The following HMGCLL1 variants were observed in gnomAD, a reference collection of about 807,000 sequenced individuals.
The protein encoded by HMGCLL1 is 3-hydroxy-3-methylglutaryl-CoA lyase like 1.
A neutral mutation model predicts 39.1 loss-of-function variants in HMGCLL1; 36 were observed. The observed-to-expected ratio is 0.92, with a 90% confidence interval of 0.71 to 1.22. The LOEUF is 1.22. Ranked by LOEUF, HMGCLL1 falls within the 50% of genes most tolerant of loss-of-function variation. The probability of loss-of-function intolerance (pLI) is 0.00; values close to 1 mark genes in which losing one functional copy is unlikely to be tolerated. For synonymous variants in HMGCLL1, 149 were observed against 144.0 expected (o/e 1.03, Z -0.25); for missense variants, 451 against 416.5 (o/e 1.08, Z -0.72).
the HMGCLL1 span, among the ~76,000 whole-genome samples, chr6:55,675,311 G>A: frequency 6.6e-6 from 1 of 152,062 alleles, no homozygotes; most frequent in African/African-American, 2.4e-5. Flanking sequence ...TTTCTGAGTG[G>A]TGTTTCACCT....
At chr6:55,617,121 C>T in the HMGCLL1 span, among the ~76,000 whole-genome samples, 82 of 152,082 alleles carry the variant, frequency 5.4e-4, 2 homozygotes, top group South Asian at 0.017. Flanking sequence ...TGGTGGTTTG[C>T]TGCACAAATC....
intron 7 of HMGCLL1, among the ~76,000 whole-genome samples, chr6:55,479,135 G>A (rs1581834672): frequency 6.6e-6 from 1 of 151,384 alleles, no homozygotes; most frequent in South Asian, 2.1e-4. Flanking sequence ...AAAAGAATGA[G>A]TTTATGGAGC....
intron 3 of HMGCLL1, among the ~76,000 whole-genome samples, chr6:55,541,264 C>T (rs558734965): frequency 5.3e-5 from 8 of 152,218 alleles, no homozygotes; most frequent in South Asian, 2.1e-4. Flanking sequence ...TATTTGATGA[C>T]GTATCCCTGT....
At chr6:55,443,034 C>G (rs1282135611) in intron 7 of HMGCLL1, among the ~76,000 whole-genome samples, 3 of 77,602 alleles carry the variant, frequency 3.9e-5, no homozygotes, top group African/African-American at 2.0e-4. Flanking sequence ...TTGGAATCAC[C>G]TGGAGCCCTT....
At chr6:55,615,984 A>G in the HMGCLL1 span, among the ~76,000 whole-genome samples, 1 of 152,136 alleles carries the variant, frequency 6.6e-6, no homozygotes, top group Non-Finnish European at 1.5e-5. Context: ...ACATTCCCTT[A>G]AAATTTTATT....
chr6:55,449,919 T>C (rs1451533942), intron 7 of HMGCLL1, among the ~76,000 whole-genome samples: 1 of 119,224 alleles, frequency 8.4e-6, no homozygotes, highest in Non-Finnish European at 1.8e-5. Flanking sequence ...ATATTGCTAC[T>C]ATTTTTTTTT....
At chr6:55,643,890 T>C in the HMGCLL1 span, among the ~76,000 whole-genome samples, 18 of 152,052 alleles carry the variant, frequency 1.2e-4, no homozygotes, top group Non-Finnish European at 2.5e-4. Context: ...CTCTTCAATA[T>C]ACTGATTTCC....
chr6:55,615,933 C>A, the HMGCLL1 span, among the ~76,000 whole-genome samples: 1 of 152,058 alleles, frequency 6.6e-6, no homozygotes, highest in East Asian at 1.9e-4. Context: ...ACTGAAAAGA[C>A]CCTGCCCTAT....
chr6:55,529,693 C>A (rs1373294048), intron 3 of HMGCLL1, among the ~76,000 whole-genome samples: 3 of 152,128 alleles, frequency 2.0e-5, no homozygotes, highest in Non-Finnish European at 4.4e-5. Flanking sequence ...TACAGATATT[C>A]ACTTGATTTT....
intron 1 of HMGCLL1, among the ~76,000 whole-genome samples, chr6:55,555,960 G>A (rs9382507): frequency 0.3 from 45,029 of 151,830 alleles, 7,304 homozygotes; most frequent in East Asian, 0.52. Context: ...CATTTCCATT[G>A]GTATTACTGG....
the HMGCLL1 span, among the ~76,000 whole-genome samples, chr6:55,645,910 A>G: frequency 6.6e-6 from 1 of 151,858 alleles, no homozygotes; most frequent in Admixed American, 6.6e-5. Flanking sequence ...CCTCATATAA[A>G]ATGAGTTTGA....
At chr6:55,492,423 G>A (rs1406924334) in intron 7 of HMGCLL1, among the ~76,000 whole-genome samples, 2 of 152,280 alleles carry the variant, frequency 1.3e-5, no homozygotes, top group South Asian at 2.1e-4. Flanking sequence ...CTCACTCAGC[G>A]CCACTCAGGA....
At chr6:55,662,564 T>A in the HMGCLL1 span, among the ~76,000 whole-genome samples, 2 of 152,010 alleles carry the variant, frequency 1.3e-5, no homozygotes, top group South Asian at 2.1e-4. Flanking sequence ...CTTTTTGACA[T>A]GCTGCTGAAT....
chr6:55,474,084 A>C (rs73447049), intron 7 of HMGCLL1, among the ~76,000 whole-genome samples: 1 of 151,422 alleles, frequency 6.6e-6, no homozygotes, highest in Non-Finnish European at 1.5e-5. Context: ...ATGCCTAGCT[A>C]TTGATTTTCA....
chr6:55,659,238 C>CA, the HMGCLL1 span, among the ~76,000 whole-genome samples: 2 of 151,592 alleles, frequency 1.3e-5, no homozygotes, highest in East Asian at 1.9e-4. Context: ...AGAACACAAG[C>CA]AAAAAACCCC....
chr6:55,595,515 C>G, the HMGCLL1 span, among the ~76,000 whole-genome samples: 2 of 152,134 alleles, frequency 1.3e-5, no homozygotes, highest in Admixed American at 6.5e-5. Flanking sequence ...TTTATGGAAT[C>G]AAGGTGAAGC....
rs56331198 is a variant in HMGCLL1, at chr6:55,446,437, T to A, written c.796-6878A>T. ...AAGCTATTAACTCAATGGCCCAGGA[T>A]ACCATAAACCTGGTGAATTCAGTTA... is the stretch of plus-strand genomic sequence containing the variant. On this transcript the variant is annotated intron_variant, in intron 7 of 8. Transcript: ENST00000274901. Among the ~76,000 whole-genome samples, 1,104 of 151,934 alleles carry A rather than the reference T, an allele frequency of 7.3e-3. 13 individuals are homozygous for A. Among genetic ancestry groups the A allele is most frequent in the African/African-American group, 0.025 (1,020 of 41,494 alleles).
the HMGCLL1 span, among the ~76,000 whole-genome samples, chr6:55,646,148 T>A: frequency 6.6e-6 from 1 of 151,870 alleles, no homozygotes; most frequent in Non-Finnish European, 1.5e-5. Context: ...AGGAACTTAC[T>A]AATTTCTTCT....
the HMGCLL1 span, among the ~76,000 whole-genome samples, chr6:55,611,465 G>A: frequency 2.0e-5 from 3 of 152,118 alleles, no homozygotes; most frequent in African/African-American, 4.8e-5. Flanking sequence ...CTCATTTTAT[G>A]AGGCCAGCGT....
Sources: gnomAD v4.1 joint callset for allele counts (sites outside exome capture counted in the v4.1 genomes callset) on GRCh38, gnomAD v4.1.1 for gene constraint, MANE v1.5 for transcripts, NCBI Gene and HGNC (gene_info 2026-07-23, HGNC 2026-07-21) for gene names.